Variants in PDE5A observed in about 807,000 individuals in gnomAD.
PDE5A encodes the protein phosphodiesterase 5A.
PDE5A carries 67 observed loss-of-function variants against 110.2 expected under a neutral mutation model. That is an observed-to-expected ratio of 0.61 (90% CI 0.50 to 0.75). The LOEUF (loss-of-function observed/expected upper bound fraction) is 0.75. Ranked by LOEUF, PDE5A falls within the 30% of genes least tolerant of loss-of-function variation. The pLI, the probability that PDE5A is intolerant of heterozygous loss-of-function variation, is 0.00. For missense variants in PDE5A, 862 were observed against 1,045.1 expected, an observed-to-expected ratio of 0.82 and a Z score of 2.42; for synonymous variants, 328 against 351.2, an observed-to-expected ratio of 0.93 and a Z score of 0.74.
At chr4:119,579,725 G>A (rs939196984) in intron 3 of PDE5A, among the ~76,000 whole-genome samples, 5 of 151,932 alleles carry the variant, frequency 3.3e-5, no homozygotes, top group African/African-American at 9.7e-5. Flanking sequence ...AGCATTTGGA[G>A]ATATACCTAA....
intron 10 of PDE5A, among the ~76,000 whole-genome samples, chr4:119,539,378 T>G (rs2110484544): frequency 6.6e-6 from 1 of 152,090 alleles, no homozygotes; most frequent in African/African-American, 2.4e-5. Context: ...TGACTTTAGC[T>G]ATTTCTGCTT....
Position 119,539,031 on chromosome 4 carries a change from GA to G in PDE5A, c.1573-13del. On this transcript the variant is annotated splice_polypyrimidine_tract_variant and intron_variant, in intron 10 of 20. Coordinates refer to ENST00000354960, the MANE Select transcript of PDE5A (RefSeq NM_001083.4). ...TGATACGACAGAACCTACAGGGTAG[GA>G]AAAGAAGTCCAGGTTACACAGGAGA... 6.2e-7 allele frequency: 1 copy of G among 1,609,250 alleles called. No individual in the cohort carries two copies. The highest frequency in any genetic ancestry group is 8.5e-7 in the Non-Finnish European group (1 of 1,175,814).
chr4:119,628,664 C>T lies in PDE5A; in HGVS notation c.8G>A (p.Arg3Gln), dbSNP rs143772386. 1.9e-6 allele frequency: 3 copies of T among 1,612,626 alleles called. No homozygotes were observed. Among genetic ancestry groups the T allele is most frequent in the Non-Finnish European group, 2.5e-6 (3 of 1,179,928 alleles). Residue 3 changes from arginine to glutamine, a missense_variant, in exon 1 of 21, where the codon CGG (arginine) becomes CAG (glutamine). Transcript: ENST00000354960. ME[R>Q]AGPSFGQQRQ... is the part of the protein sequence containing the mutation. Reference sequence around the variant, plus strand: ...CTGCTGCCCGAAGCTGGGGCCGGCCCGCTCCATGGTTGGCACCGCGCGCCT... The same window carrying T: ...CTGCTGCCCGAAGCTGGGGCCGGCCTGCTCCATGGTTGGCACCGCGCGCCT...
intron 11 of PDE5A, among the ~76,000 whole-genome samples, chr4:119,532,544 C>T (rs1726581346): frequency 6.6e-6 from 1 of 151,890 alleles, no homozygotes; most frequent in South Asian, 2.1e-4. Context: ...ATACTTGTGT[C>T]CCTTTTACAC....
intron 1 of PDE5A, among the ~76,000 whole-genome samples, chr4:119,622,456 C>T (rs1730183778): frequency 6.6e-6 from 1 of 152,118 alleles, no homozygotes. Flanking sequence ...GTTAATCTTA[C>T]TTTATAATTC....
chr4:119,511,677 G>A (rs938363608), intron 14 of PDE5A, among the ~76,000 whole-genome samples: 2 of 151,900 alleles, frequency 1.3e-5, no homozygotes, highest in Non-Finnish European at 2.9e-5. Context: ...ATGCTCCCTT[G>A]GAAGGAAGGA....
chr4:119,511,169 C>T (rs1472682362), intron 14 of PDE5A, 35 bp from the exon 15 acceptor site: 2 of 1,357,846 alleles, frequency 1.5e-6, no homozygotes, highest in Non-Finnish European at 2.1e-6. Context: ...GAAAAAAGAT[C>T]AGTTTCCTTA....
chr4:119,588,804 T>C (rs936376308), intron 3 of PDE5A, among the ~76,000 whole-genome samples: 2 of 152,230 alleles, frequency 1.3e-5, no homozygotes, highest in Non-Finnish European at 2.9e-5. Context: ...TGAATCTTTT[T>C]AGTTTTTAAA....
chr4:119,518,235 T>C (rs567930189), intron 14 of PDE5A, among the ~76,000 whole-genome samples: 1 of 152,366 alleles, frequency 6.6e-6, no homozygotes, highest in Non-Finnish European at 1.5e-5. Flanking sequence ...AAATGCTCAG[T>C]AGTAAGAGAT....
intron 3 of PDE5A, among the ~76,000 whole-genome samples, chr4:119,573,957 T>C (rs1394360714): frequency 6.6e-6 from 1 of 152,180 alleles, no homozygotes. Flanking sequence ...GGGCTTGCCA[T>C]GTAACAGGCA....
chr4:119,527,320 G>A (rs1726360691), intron 11 of PDE5A: 1 of 152,052 alleles, frequency 6.6e-6, no homozygotes, highest in Non-Finnish European at 1.5e-5. Context: ...CAAACATTCT[G>A]AGCTGACCCA....
At chr4:119,594,271 T>C (rs1174124788) in intron 3 of PDE5A, among the ~76,000 whole-genome samples, 1 of 152,192 alleles carries the variant, frequency 6.6e-6, no homozygotes, top group African/African-American at 2.4e-5. Flanking sequence ...TTCTCATCAG[T>C]TCCCCCAATC....
intron 7 of PDE5A, among the ~76,000 whole-genome samples, chr4:119,559,525 CA>C (rs1271197490): frequency 6.6e-6 from 1 of 151,656 alleles, no homozygotes; most frequent in East Asian, 1.9e-4. Flanking sequence ...TTATGCAAGC[CA>C]AAAAGTAAAA....
At position 119,533,444 on chromosome 4, in the gene PDE5A, C is replaced by T. The variant is rs561946371; in HGVS notation, c.1632+5516G>A. ...AGGGGTGTTTTTAAAGAAGAAACCA[C>T]ACAATTAGTTTATAAGGCTTTTAGA... On this transcript the variant is annotated intron_variant, in intron 11 of 20. Transcript: ENST00000354960. Among the ~76,000 whole-genome samples, 42 of 152,234 alleles carry T rather than the reference C, an allele frequency of 2.8e-4. 1 individual carries two copies. Among genetic ancestry groups the T allele is most frequent in the African/African-American group, 9.1e-4 (38 of 41,552 alleles).
intron 1 of PDE5A, among the ~76,000 whole-genome samples, chr4:119,622,864 G>GAAAAAAAAAAAA (rs369291602): frequency 5.1e-5 from 5 of 97,262 alleles, no homozygotes; most frequent in East Asian, 2.7e-4. Flanking sequence ...ACTCCGTCTC[G>GAAAAAAAAAAAA]AAAAAAAAAA....
At chr4:119,519,395 A>G (rs1726035444) in intron 13 of PDE5A, 1 of 401,690 alleles carries the variant, frequency 2.5e-6, no homozygotes, top group African/African-American at 2.0e-5. Context: ...TAATCTGTCC[A>G]CCTATAGTAA....
chr4:119,505,024 G>A (rs1463538660), intron 17 of PDE5A, among the ~76,000 whole-genome samples: 2 of 151,902 alleles, frequency 1.3e-5, no homozygotes, highest in Non-Finnish European at 2.9e-5. Context: ...AATTATAGTA[G>A]GTCATCCTAA....
chr4:119,521,632 T>C (rs1272016982), intron 12 of PDE5A, among the ~76,000 whole-genome samples: 1 of 151,672 alleles, frequency 6.6e-6, no homozygotes, highest in Non-Finnish European at 1.5e-5. Context: ...CGTCATTAGC[T>C]CTTTGTCCTT....
At chr4:119,553,403 G>A (rs544025665) in intron 8 of PDE5A, among the ~76,000 whole-genome samples, 39 of 151,984 alleles carry the variant, frequency 2.6e-4, no homozygotes, top group African/African-American at 8.9e-4. Flanking sequence ...AAAATAGTAC[G>A]GTAACTTATT....
Sources: gnomAD v4.1 joint callset for allele counts (sites outside exome capture counted in the v4.1 genomes callset) on GRCh38, gnomAD v4.1.1 for gene constraint, MANE v1.5 for transcripts, NCBI Gene and HGNC (gene_info 2026-07-23, HGNC 2026-07-21) for gene names.